Variants in PIGL observed in about 807,000 individuals in gnomAD.
The protein encoded by PIGL is N-acetylglucosaminyl-phosphatidylinositol de-N-acetylase.
A neutral mutation model predicts 31.1 loss-of-function variants in PIGL; 22 were observed. The ratio of observed to expected loss-of-function variants is 0.71; its 90% CI spans 0.51 to 1.01. PIGL has a LOEUF of 1.01. PIGL is among the 50% of genes least tolerant of loss of function. PIGL has a pLI of 0.00. For synonymous variants in PIGL, 131 were observed against 117.4 expected (o/e 1.12, Z -0.75); for missense variants, 302 against 315.9 (o/e 0.96, Z 0.33).
intron 3 of PIGL, among the ~76,000 whole-genome samples, chr17:16,310,077 C>CAAAAAAA (rs58352380): frequency 1.1e-5 from 1 of 88,746 alleles, no homozygotes. Flanking sequence ...GACTCCATCT[C>CAAAAAAA]AAAAAAAAAA....
intron 6 of PIGL, among the ~76,000 whole-genome samples, chr17:16,322,594 T>C (rs1409309813): frequency 6.6e-6 from 1 of 152,248 alleles, no homozygotes; most frequent in Non-Finnish European, 1.5e-5. Flanking sequence ...CCTTTAATCT[T>C]TGAGGGTATA....
chr17:16,254,715 C>T (rs994401955), intron 2 of PIGL, among the ~76,000 whole-genome samples: 1 of 152,148 alleles, frequency 6.6e-6, no homozygotes, highest in African/African-American at 2.4e-5. Flanking sequence ...CGCCATTCTC[C>T]TGCCTCAGCC....
At chr17:16,243,161 C>T (rs2092730276) in intron 2 of PIGL, among the ~76,000 whole-genome samples, 1 of 152,142 alleles carries the variant, frequency 6.6e-6, no homozygotes, top group African/African-American at 2.4e-5. Flanking sequence ...AGCAATTCTC[C>T]TGCCTCAGCC....
At chr17:16,224,213 C>T (rs2142643049) in intron 1 of PIGL, among the ~76,000 whole-genome samples, 1 of 152,160 alleles carries the variant, frequency 6.6e-6, no homozygotes, top group Admixed American at 6.5e-5. Context: ...CAGAGCAAGA[C>T]TCCGTCTCAG....
At chr17:16,325,050 T>C (rs1028012730) in intron 6 of PIGL, among the ~76,000 whole-genome samples, 2 of 151,998 alleles carry the variant, frequency 1.3e-5, no homozygotes, top group Admixed American at 6.6e-5. Flanking sequence ...TGATTAAGAA[T>C]GTGGACTCTA....
At chr17:16,303,590 G>A (rs60644483) in intron 3 of PIGL, among the ~76,000 whole-genome samples, 1,655 of 151,930 alleles carry the variant, frequency 0.011, 41 homozygotes, top group African/African-American at 0.037. Flanking sequence ...CTAGGCTGGA[G>A]TGCAGTGGCA....
intron 2 of PIGL, among the ~76,000 whole-genome samples, chr17:16,279,295 A>G (rs1380620985): frequency 6.6e-6 from 1 of 152,268 alleles, no homozygotes; most frequent in Non-Finnish European, 1.5e-5. Flanking sequence ...TGGCAACTCC[A>G]TAGGCAGAGC....
At chr17:16,219,738 G>A (rs1157329975) in intron 1 of PIGL, among the ~76,000 whole-genome samples, 1 of 151,828 alleles carries the variant, frequency 6.6e-6, no homozygotes, top group Non-Finnish European at 1.5e-5. Context: ...GCTAATTTTT[G>A]TATTTTTGGT....
intron 2 of PIGL, among the ~76,000 whole-genome samples, chr17:16,276,832 C>A (rs565926844): frequency 6.6e-6 from 1 of 152,230 alleles, no homozygotes; most frequent in African/African-American, 2.4e-5. Flanking sequence ...CCCATTTTTA[C>A]TAAAGACAAA....
chr17:16,256,369 A>G (rs1339010732), intron 2 of PIGL, among the ~76,000 whole-genome samples: 3 of 151,770 alleles, frequency 2.0e-5, no homozygotes, highest in Non-Finnish European at 4.4e-5. Context: ...ACGGAGTCTC[A>G]CACTGTCACC....
chr17:16,247,369 G>A (rs1057373915), intron 2 of PIGL, among the ~76,000 whole-genome samples: 9 of 152,056 alleles, frequency 5.9e-5, no homozygotes, highest in African/African-American at 1.9e-4. Context: ...GCATTAACTC[G>A]AAAGTCCAAA....
chr17:16,289,778 T>C (rs1600828368), intron 2 of PIGL, among the ~76,000 whole-genome samples: 1 of 139,986 alleles, frequency 7.1e-6, no homozygotes. Context: ...TGCCAGACTT[T>C]TCTTTTCTTT....
At chr17:16,321,656 C>T (rs758433039) in intron 6 of PIGL, among the ~76,000 whole-genome samples, 2 of 152,074 alleles carry the variant, frequency 1.3e-5, no homozygotes, top group Admixed American at 6.6e-5. Flanking sequence ...ATAGTGCATT[C>T]GTTTTTGTAT....
chr17:16,217,635 T>A, intron 1 of PIGL, 174 bp downstream of exon 1: 1 of 530,102 alleles, frequency 1.9e-6, no homozygotes, highest in Non-Finnish European at 3.3e-6. Flanking sequence ...GCTTACCTGG[T>A]GGGTTGGGGG....
intron 1 of PIGL, among the ~76,000 whole-genome samples, chr17:16,218,649 A>G (rs1162211065): frequency 1.3e-5 from 2 of 149,056 alleles, no homozygotes; most frequent in Non-Finnish European, 3.0e-5. Flanking sequence ...TGCAAAACAC[A>G]TTCCCAAAAA....
chr17:16,218,824 G>A (rs1302052870), intron 1 of PIGL, among the ~76,000 whole-genome samples: 1 of 151,480 alleles, frequency 6.6e-6, no homozygotes, highest in African/African-American at 2.4e-5. Context: ...GTTTACAAGC[G>A]CATGCCACCA....
rs535607663 is a variant in PIGL at position 16,234,128 on chromosome 17, TC to T, written c.335+59del. 1.2e-3 allele frequency: 1,135 copies of T among 970,984 alleles called. 10 individuals carry two copies. The African/African-American group carries it at 0.016, about 14-fold the overall frequency. The allele number at this position is 970,984 out of a possible 1,614,324, so 60.1% of individuals were successfully genotyped here. On this transcript the variant is annotated intron_variant, in intron 2 of 6. Transcript: ENST00000225609. ...TGGCAATAAATATGCAGTGATATAC[TC>T]AAAAGACACACAAAAAACTAATGTG...
rs568425713 is a variant in PIGL at position 16,319,838 on chromosome 17, C to T, written c.660+1930C>T. ...GAAGAGCTAGGCCAGCTCAGGTCAT[C>T]CTAGGGAAAACTCTTAGCTGTCCAT... On this transcript the variant is annotated intron_variant, in intron 6 of 6. Coordinates refer to ENST00000225609, the MANE Select transcript of PIGL (RefSeq NM_004278.4). Among the ~76,000 whole-genome samples, 7 of 151,526 alleles carry T rather than the reference C, an allele frequency of 4.6e-5. No homozygotes were observed. The East Asian group carries it at 1.4e-3, about 30-fold the overall frequency.
intron 2 of PIGL, among the ~76,000 whole-genome samples, chr17:16,239,801 T>C (rs1013258095): frequency 1.3e-5 from 2 of 152,120 alleles, no homozygotes; most frequent in Admixed American, 6.6e-5. Flanking sequence ...CTTTTTTTTT[T>C]TAGAGACAAG....
Sources: allele counts gnomAD v4.1 joint callset (sites outside exome capture counted in the v4.1 genomes callset), GRCh38; gene constraint gnomAD v4.1.1; transcripts MANE v1.5; gene names NCBI Gene and HGNC (gene_info 2026-07-23, HGNC 2026-07-21).